EEIG2: variants seen among roughly 807,000 people sequenced by gnomAD.
EEIG2 encodes the protein family with sequence similarity 102 member B.
chr1:108,628,142 G>T, the EEIG2 span: 2 of 1,605,440 alleles, frequency 1.2e-6, no homozygotes, highest in South Asian at 2.2e-5. Flanking sequence ...CAATAAGAAT[G>T]ACATCATGTT....
the EEIG2 span, among the ~76,000 whole-genome samples, chr1:108,590,188 T>C: frequency 6.6e-6 from 1 of 152,212 alleles, no homozygotes; most frequent in Non-Finnish European, 1.5e-5. Context: ...TTCACCCATT[T>C]ACCCAAGCCA....
chr1:108,604,218 C>G, the EEIG2 span, among the ~76,000 whole-genome samples: 604 of 152,284 alleles, frequency 4.0e-3, 1 homozygote, highest in African/African-American at 0.014. Flanking sequence ...CGCAGTAGAT[C>G]AGGCCGGGCC....
chr1:108,610,503 G>T, the EEIG2 span, among the ~76,000 whole-genome samples: 1 of 152,168 alleles, frequency 6.6e-6, no homozygotes, highest in African/African-American at 2.4e-5. Context: ...CAACGAAAAG[G>T]ATAATGTATG....
chr1:108,586,314 GGTGTGTGTGTGTGTGTGTGTGTGTGTGT>G, the EEIG2 span, among the ~76,000 whole-genome samples: 1 of 148,000 alleles, frequency 6.8e-6, no homozygotes, highest in African/African-American at 2.5e-5. Context: ...TACGCAGAGG[GGTGTGTGTGTGTGTGTGTGTGTGTGTGT>G]GTGTGTGTGT....
the EEIG2 span, among the ~76,000 whole-genome samples, chr1:108,608,570 G>A: frequency 4.2e-4 from 64 of 152,336 alleles, no homozygotes; most frequent in African/African-American, 1.5e-3. Flanking sequence ...TCACTAGAAT[G>A]TAAGCTCTTT....
chr1:108,569,894 G>A, the EEIG2 span, among the ~76,000 whole-genome samples: 229 of 152,146 alleles, frequency 1.5e-3, no homozygotes, highest in Non-Finnish European at 2.1e-3. Context: ...TCCACCCACG[G>A]CTCCTAACAT....
the EEIG2 span, among the ~76,000 whole-genome samples, chr1:108,580,468 A>G: frequency 1.3e-5 from 2 of 152,362 alleles, no homozygotes; most frequent in African/African-American, 4.8e-5. Context: ...TGAGGAAGGC[A>G]TGTTGAAAGC....
At chr1:108,580,361 G>A in the EEIG2 span, among the ~76,000 whole-genome samples, 9 of 48,306 alleles carry the variant, frequency 1.9e-4, no homozygotes, top group East Asian at 4.1e-3. Flanking sequence ...ATTAAAATTA[G>A]GCTAATTAAC....
At chr1:108,598,157 C>A in the EEIG2 span, among the ~76,000 whole-genome samples, 1 of 151,894 alleles carries the variant, frequency 6.6e-6, no homozygotes. Flanking sequence ...CATGGTGAAA[C>A]CCCGTCTCTA....
the EEIG2 span, among the ~76,000 whole-genome samples, chr1:108,579,772 T>TGTGTGAGAGAGAGAGAGAGAGA: frequency 2.9e-4 from 17 of 58,868 alleles, no homozygotes; most frequent in South Asian, 4.6e-3. Flanking sequence ...TGTGTGTGTG[T>TGTGTGAGAGAGAGAGAGAGAGA]GAGAGAGAGA....
chr1:108,616,940 AT>A, the EEIG2 span, among the ~76,000 whole-genome samples: 1 of 152,154 alleles, frequency 6.6e-6, no homozygotes, highest in Non-Finnish European at 1.5e-5. Context: ...AAGTGTTGCT[AT>A]TCTATATATA....
At chr1:108,561,977 A>G in the EEIG2 span, among the ~76,000 whole-genome samples, 1 of 152,070 alleles carries the variant, frequency 6.6e-6, no homozygotes, top group Non-Finnish European at 1.5e-5. Context: ...TTCCTACCTC[A>G]GTTATGTTTA....
the EEIG2 span, among the ~76,000 whole-genome samples, chr1:108,611,196 G>T: frequency 7.7e-3 from 1,170 of 152,172 alleles, 13 homozygotes; most frequent in African/African-American, 0.027. Context: ...AAACCCTAAG[G>T]CAAACAACTT....
chr1:108,571,489 T>C, the EEIG2 span, among the ~76,000 whole-genome samples: 2 of 152,042 alleles, frequency 1.3e-5, no homozygotes, highest in African/African-American at 2.4e-5. Flanking sequence ...ACAGAATGAG[T>C]TGAAGTGAGG....
At chr1:108,565,153 G>A in the EEIG2 span, among the ~76,000 whole-genome samples, 2 of 152,096 alleles carry the variant, frequency 1.3e-5, no homozygotes, top group Non-Finnish European at 2.9e-5. Context: ...TACATTGTAC[G>A]ATTATGGTGG....
At chr1:108,590,937 A>G in the EEIG2 span, among the ~76,000 whole-genome samples, 1 of 151,984 alleles carries the variant, frequency 6.6e-6, no homozygotes, top group African/African-American at 2.4e-5. Context: ...GACTTTCTAG[A>G]TTTTCTTTGA....
the EEIG2 span, among the ~76,000 whole-genome samples, chr1:108,615,093 A>G: frequency 2.6e-5 from 4 of 152,238 alleles, no homozygotes; most frequent in African/African-American, 9.6e-5. Context: ...GATACATGTC[A>G]TCCATTAGCT....
chr1:108,598,974 T>A, the EEIG2 span, among the ~76,000 whole-genome samples: 1 of 151,972 alleles, frequency 6.6e-6, no homozygotes, highest in Admixed American at 6.6e-5. Context: ...CAGACCAGCC[T>A]GGATAACATA....
the EEIG2 span, among the ~76,000 whole-genome samples, chr1:108,609,456 G>A: frequency 1.3e-5 from 2 of 152,308 alleles, no homozygotes; most frequent in East Asian, 3.9e-4. Flanking sequence ...GCAGGGAAGA[G>A]GGATGTGATA....
Sources: gnomAD v4.1 joint callset for allele counts (sites outside exome capture counted in the v4.1 genomes callset) on GRCh38, gnomAD v4.1.1 for gene constraint, MANE v1.5 for transcripts, NCBI Gene and HGNC (gene_info 2026-07-23, HGNC 2026-07-21) for gene names.